PHACTR1: variants seen among roughly 807,000 people sequenced by gnomAD.
PHACTR1 encodes phosphatase and actin regulator 1, also known as RPEL repeat containing 1.
A neutral mutation model predicts 69.2 loss-of-function variants in PHACTR1; 16 were observed. The ratio of observed to expected loss-of-function variants is 0.23; its 90% confidence interval spans 0.16 to 0.35. The LOEUF is 0.35. PHACTR1 is among the 10% of genes least tolerant of loss of function. The pLI is 1.00. For synonymous variants in PHACTR1, 312 were observed against 284.5 expected (o/e 1.10, Z -0.97); for missense variants, 510 against 734.7 (o/e 0.69, Z 3.54).
intron 5 of PHACTR1, among the ~76,000 whole-genome samples, chr6:13,058,434 G>C (rs1807126685): frequency 6.6e-6 from 1 of 152,068 alleles, no homozygotes; most frequent in Non-Finnish European, 1.5e-5. Context: ...TTGGTGGGGA[G>C]AAAAAAACAT....
chr6:13,200,597 G>C (rs1765081243), intron 7 of PHACTR1, among the ~76,000 whole-genome samples: 1 of 152,064 alleles, frequency 6.6e-6, no homozygotes, highest in Non-Finnish European at 1.5e-5. Flanking sequence ...TCAGAGAAAA[G>C]GACAAAAGTA....
chr6:13,033,725 T>C (rs1802818921), intron 4 of PHACTR1, among the ~76,000 whole-genome samples: 1 of 152,236 alleles, frequency 6.6e-6, no homozygotes, highest in South Asian at 2.1e-4. Context: ...TTTCAACTTT[T>C]ATAGTATGAA....
At chr6:13,015,106 T>G (rs1799991886) in intron 4 of PHACTR1, among the ~76,000 whole-genome samples, 1 of 152,216 alleles carries the variant, frequency 6.6e-6, no homozygotes, top group Admixed American at 6.5e-5. Flanking sequence ...CAGGCAGATT[T>G]TCCTATCAGC....
chr6:13,038,629 C>T (rs1049053368), intron 4 of PHACTR1, among the ~76,000 whole-genome samples: 2 of 152,078 alleles, frequency 1.3e-5, no homozygotes, highest in African/African-American at 2.4e-5. Flanking sequence ...CACTTACAAA[C>T]TATAGAGTTT....
chr6:12,858,311 C>G (rs1193735316), intron 4 of PHACTR1, among the ~76,000 whole-genome samples: 1 of 152,178 alleles, frequency 6.6e-6, no homozygotes, highest in Admixed American at 6.5e-5. Context: ...GCTGATTACA[C>G]TCTCAAAAGG....
At chr6:12,746,794 T>C (rs1315701634) in intron 3 of PHACTR1, among the ~76,000 whole-genome samples, 1 of 152,090 alleles carries the variant, frequency 6.6e-6, no homozygotes, top group East Asian at 1.9e-4. Context: ...AGTGTAGATA[T>C]TCCTCCAGAT....
chr6:13,171,823 A>G (rs1395770151), intron 6 of PHACTR1, among the ~76,000 whole-genome samples: 2 of 152,094 alleles, frequency 1.3e-5, no homozygotes, highest in African/African-American at 4.8e-5. Flanking sequence ...CTGTAATGCA[A>G]TGGCGCAATC....
intron 8 of PHACTR1, 97 bp downstream of exon 8, chr6:13,206,233 G>T: frequency 6.4e-6 from 8 of 1,242,246 alleles, no homozygotes; most frequent in East Asian, 2.6e-5. Context: ...GTGAACAAGG[G>T]GTCATCCCCA....
chr6:13,013,332 C>T (rs1799657130), intron 4 of PHACTR1, among the ~76,000 whole-genome samples: 1 of 152,216 alleles, frequency 6.6e-6, no homozygotes, highest in Non-Finnish European at 1.5e-5. Flanking sequence ...AGGTTGTCTG[C>T]TCCAGTGAAA....
rs1780735154 is a variant in PHACTR1 at position 13,283,357 on chromosome 6, G to C, written c.1510-65G>C. Reference sequence around the variant, plus strand: ...TATTTTCCACACCTGCAAGTTCACAGACAGGACCAAGTGCCATGGTCAACC... The same window carrying C: ...TATTTTCCACACCTGCAAGTTCACACACAGGACCAAGTGCCATGGTCAACC... On this transcript the variant is annotated intron_variant, in intron 12 of 14. Coordinates refer to ENST00000332995, the MANE Select transcript of PHACTR1 (RefSeq NM_030948.6). This position sits in a 1 kb window ranked among gnomAD's most constrained non-coding sequence, Gnocchi z 4.7. 2 of 1,489,750 alleles carry C rather than the reference G, an allele frequency of 1.3e-6. No homozygotes were observed. The highest frequency in any genetic ancestry group is 1.8e-6 in the Non-Finnish European group (2 of 1,103,730). The allele number at this position is 1,489,750 out of a possible 1,614,324, so 92.3% of individuals were successfully genotyped here. A position where few individuals can be genotyped will look rare whatever the true frequency, so the allele number is the denominator to read the frequency against.
intron 5 of PHACTR1, among the ~76,000 whole-genome samples, chr6:13,087,458 A>C (rs1175096823): frequency 1.3e-5 from 2 of 151,844 alleles, no homozygotes; most frequent in Non-Finnish European, 2.9e-5. Flanking sequence ...TATCAAACTA[A>C]ATTCATGTTC....
intron 8 of PHACTR1, among the ~76,000 whole-genome samples, chr6:13,219,009 A>G (rs1227319702): frequency 6.6e-6 from 1 of 152,166 alleles, no homozygotes; most frequent in African/African-American, 2.4e-5. Context: ...TAAAGAGAAG[A>G]GTCGAGTTTT....
At chr6:12,899,420 C>A (rs1454383227) in intron 4 of PHACTR1, among the ~76,000 whole-genome samples, 1 of 152,182 alleles carries the variant, frequency 6.6e-6, no homozygotes, top group Non-Finnish European at 1.5e-5. Flanking sequence ...TCAGACATAT[C>A]TGTATGTCAT....
intron 10 of PHACTR1, among the ~76,000 whole-genome samples, chr6:13,257,407 CT>C (rs1775335774): frequency 6.6e-6 from 1 of 150,950 alleles, no homozygotes; most frequent in African/African-American, 2.5e-5. Context: ...CAATCCCTAA[CT>C]TCATAGAGTT....
At chr6:12,933,952 A>T (rs1789164768) in intron 4 of PHACTR1, 2 of 1,588,946 alleles carry the variant, frequency 1.3e-6, no homozygotes, top group African/African-American at 2.7e-5. Flanking sequence ...GTGTGTATTC[A>T]TTTCCTAGAG....
intron 4 of PHACTR1, among the ~76,000 whole-genome samples, chr6:13,029,393 G>A (rs893633145): frequency 3.9e-5 from 6 of 152,134 alleles, no homozygotes; most frequent in Admixed American, 6.5e-5. Context: ...GAAGGGATGG[G>A]GAATTGATTG....
chr6:13,000,895 A>G (rs1798029993), intron 4 of PHACTR1, among the ~76,000 whole-genome samples: 2 of 152,200 alleles, frequency 1.3e-5, no homozygotes, highest in African/African-American at 2.4e-5. Flanking sequence ...TTTAGCATCT[A>G]TTAGAGTCAA....
chr6:13,020,617 A>G (rs1800825628), intron 4 of PHACTR1, among the ~76,000 whole-genome samples: 1 of 152,192 alleles, frequency 6.6e-6, no homozygotes, highest in South Asian at 2.1e-4. Flanking sequence ...AGTCACTGGA[A>G]GCAGGACAAA....
intron 4 of PHACTR1, among the ~76,000 whole-genome samples, chr6:12,897,698 T>TTTTTTATTA (rs1405192047): frequency 4.7e-5 from 7 of 148,878 alleles, no homozygotes; most frequent in South Asian, 2.1e-4. Context: ...TTTGTAATCT[T>TTTTTTATTA]TTATTATTAT....
Sources: gnomAD v4.1 joint callset for allele counts (sites outside exome capture counted in the v4.1 genomes callset) on GRCh38, gnomAD v4.1.1 for gene constraint, Gnocchi (gnomAD v3.1) non-coding constraint, MANE v1.5 for transcripts, NCBI Gene and HGNC (gene_info 2026-07-23, HGNC 2026-07-21) for gene names.